The following MRPS28 variants were observed in gnomAD, a reference collection of about 807,000 sequenced individuals.
MRPS28 encodes small ribosomal subunit protein bS1m.
Under a neutral mutation model 10.8 loss-of-function variants are expected in MRPS28, and 7 were observed. That is an observed-to-expected ratio of 0.65 (90% CI 0.37 to 1.22). The LOEUF (loss-of-function observed/expected upper bound fraction) is 1.22. Among genes scored for constraint, MRPS28 ranks in the 50% most tolerant of loss-of-function variants. The probability of loss-of-function intolerance (pLI) is 0.02; values close to 1 mark genes in which losing one functional copy is unlikely to be tolerated. For synonymous variants in MRPS28, 121 were observed against 93.3 expected, an observed-to-expected ratio of 1.30 and a Z score of -1.71; for missense variants, 265 against 232.9, an observed-to-expected ratio of 1.14 and a Z score of -0.90.
Position 79,923,831 on chromosome 8 carries a change from G to C in MRPS28, c.396-4683C>G, listed in dbSNP as rs373948822. Among the ~76,000 whole-genome samples, 5 of 152,248 alleles carry C rather than the reference G, an allele frequency of 3.3e-5. No homozygotes were observed. The South Asian group carries it at 1.0e-3, about 32-fold the overall frequency. The stretch of plus-strand genomic sequence containing the variant: ...TCTCAGGCCATATGCTGCAGTAAAC[G>C]AGACTGCATGTCTGAGCTGTATAGG... On this transcript the variant is annotated intron_variant, in intron 2 of 2. Coordinates refer to ENST00000276585, the MANE Select transcript of MRPS28 (RefSeq NM_014018.3).
chr8:79,934,832 A>G (rs1490715246), intron 2 of MRPS28, among the ~76,000 whole-genome samples: 1 of 152,238 alleles, frequency 6.6e-6, no homozygotes, highest in African/African-American at 2.4e-5. Flanking sequence ...AAAATATTTC[A>G]ATAACAATTC....
chr8:80,006,893 A>T (rs1808865424), intron 1 of MRPS28, among the ~76,000 whole-genome samples: 1 of 152,256 alleles, frequency 6.6e-6, no homozygotes, highest in Non-Finnish European at 1.5e-5. Context: ...TCAATAGAAA[A>T]AGAGGGAACC....
At chr8:79,987,377 A>C (rs1033660183) in intron 2 of MRPS28, among the ~76,000 whole-genome samples, 3 of 152,240 alleles carry the variant, frequency 2.0e-5, no homozygotes, top group African/African-American at 7.2e-5. Flanking sequence ...AAAGGACTTC[A>C]TGTCTAAAAC....
At chr8:79,929,620 C>T (rs369211621) in intron 2 of MRPS28, among the ~76,000 whole-genome samples, 3 of 151,810 alleles carry the variant, frequency 2.0e-5, no homozygotes, top group Non-Finnish European at 4.4e-5. Flanking sequence ...CCCCACCCCC[C>T]CAAAAGCAGA....
chr8:79,919,873 G>A (rs1023604877), intron 2 of MRPS28, among the ~76,000 whole-genome samples: 1 of 152,016 alleles, frequency 6.6e-6, no homozygotes, highest in East Asian at 1.9e-4. Flanking sequence ...ATGTATACAT[G>A]TGCCATGTTG....
intron 2 of MRPS28, among the ~76,000 whole-genome samples, chr8:80,000,647 T>C (rs923317260): frequency 2.0e-5 from 3 of 152,236 alleles, no homozygotes; most frequent in Non-Finnish European, 4.4e-5. Flanking sequence ...ATTTAACCAT[T>C]TAAAGCTATA....
intron 2 of MRPS28, among the ~76,000 whole-genome samples, chr8:79,966,463 A>G (rs967599357): frequency 1.3e-5 from 2 of 152,134 alleles, no homozygotes; most frequent in African/African-American, 2.4e-5. Flanking sequence ...TCAAAAAAGT[A>G]AGTTTTAACA....
chr8:79,947,054 G>A (rs903823677), intron 2 of MRPS28, among the ~76,000 whole-genome samples: 2 of 152,114 alleles, frequency 1.3e-5, no homozygotes, highest in African/African-American at 4.8e-5. Context: ...ATCCAAAATA[G>A]TCAAAGTAAT....
chr8:79,927,422 C>CT (rs1297507395), intron 2 of MRPS28, among the ~76,000 whole-genome samples: 1 of 152,222 alleles, frequency 6.6e-6, no homozygotes, highest in African/African-American at 2.4e-5. Context: ...GGTAAAACCT[C>CT]TGTCTCCAGA....
At chr8:79,945,527 T>C (rs1806891460) in intron 2 of MRPS28, among the ~76,000 whole-genome samples, 1 of 152,206 alleles carries the variant, frequency 6.6e-6, no homozygotes, top group Non-Finnish European at 1.5e-5. Flanking sequence ...GGTACAGAGT[T>C]TCCTTTTGGG....
chr8:79,941,647 T>A (rs529583956), intron 2 of MRPS28, among the ~76,000 whole-genome samples: 2 of 152,226 alleles, frequency 1.3e-5, no homozygotes, highest in Non-Finnish European at 2.9e-5. Context: ...TTATGTTCAA[T>A]TATTTTTTAG....
intron 2 of MRPS28, among the ~76,000 whole-genome samples, chr8:79,961,019 C>A (rs1034701066): frequency 3.9e-5 from 6 of 152,084 alleles, no homozygotes; most frequent in Non-Finnish European, 7.4e-5. Context: ...AGGAAGCTCT[C>A]TGTTGAGGCC....
intron 2 of MRPS28, among the ~76,000 whole-genome samples, chr8:79,968,716 TA>T (rs749304458): frequency 3.8e-3 from 514 of 134,988 alleles, no homozygotes; most frequent in Admixed American, 3.5e-3. Flanking sequence ...AGACTCTGTC[TA>T]AAAAAAAAAA....
At chr8:79,969,682 C>A (rs1254200024) in intron 2 of MRPS28, among the ~76,000 whole-genome samples, 1 of 151,450 alleles carries the variant, frequency 6.6e-6, no homozygotes, top group Non-Finnish European at 1.5e-5. Flanking sequence ...CTGAGACCAG[C>A]CTGGGCAAAA....
At chr8:79,925,515 A>C (rs1374063804) in intron 2 of MRPS28, among the ~76,000 whole-genome samples, 1 of 152,216 alleles carries the variant, frequency 6.6e-6, no homozygotes, top group Non-Finnish European at 1.5e-5. Context: ...CACAAACAGA[A>C]GTTTTGTCTC....
At chr8:79,976,395 T>A in intron 2 of MRPS28, among the ~76,000 whole-genome samples, 1 of 152,212 alleles carries the variant, frequency 6.6e-6, no homozygotes, top group East Asian at 1.9e-4. Context: ...GTTAAGAACC[T>A]TTTTTAAAAC....
intron 2 of MRPS28, among the ~76,000 whole-genome samples, chr8:79,933,103 G>C (rs1236003002): frequency 6.6e-6 from 1 of 152,184 alleles, no homozygotes; most frequent in Non-Finnish European, 1.5e-5. Context: ...TCCTACATTT[G>C]CTTGTTTATA....
At chr8:80,027,219 C>A (rs1809514113) in intron 1 of MRPS28, among the ~76,000 whole-genome samples, 1 of 152,182 alleles carries the variant, frequency 6.6e-6, no homozygotes. Context: ...AGCTAAAATG[C>A]ACTGAATAAA....
intron 2 of MRPS28, among the ~76,000 whole-genome samples, chr8:79,981,526 T>C (rs963359550): frequency 1.3e-5 from 2 of 152,120 alleles, no homozygotes; most frequent in Non-Finnish European, 2.9e-5. Context: ...CAAACTAATA[T>C]GATGTATTAT....
Sources: gnomAD v4.1 joint callset for allele counts (sites outside exome capture counted in the v4.1 genomes callset) on GRCh38, gnomAD v4.1.1 for gene constraint, MANE v1.5 for transcripts, NCBI Gene and HGNC (gene_info 2026-07-23, HGNC 2026-07-21) for gene names.